Variants in APOBEC1 observed in about 807,000 individuals in gnomAD.
The protein encoded by APOBEC1 is C->U-editing enzyme APOBEC-1.
Under a neutral mutation model 26.3 loss-of-function variants are expected in APOBEC1, and 22 were observed. That is an observed-to-expected ratio of 0.84 (90% confidence interval 0.60 to 1.19). APOBEC1 has a LOEUF of 1.19. Among genes scored for constraint, APOBEC1 ranks in the 50% most tolerant of loss-of-function variants. APOBEC1 has a pLI of 0.00. For synonymous variants in APOBEC1, 77 were observed against 95.3 expected (o/e 0.81, Z 1.12); for missense variants, 253 against 289.0 (o/e 0.88, Z 0.90).
upstream of APOBEC1, among the ~76,000 whole-genome samples, chr12:7,667,291 G>C (rs770756925): frequency 6.6e-6 from 1 of 151,994 alleles, no homozygotes; most frequent in Non-Finnish European, 1.5e-5. Flanking sequence ...TGAACCCTGG[G>C]TCAAGTTCAA....
Position 7,649,445 on chromosome 12 carries a change from T to C in APOBEC1, c.*102A>G. The C allele has an allele frequency of 7.8e-7, 1 of 1,286,452 alleles. No homozygotes were observed. The highest frequency in any genetic ancestry group is 1.1e-6 in the Non-Finnish European group (1 of 921,128). The allele number at this position is 1,286,452 out of a possible 1,614,324, so 79.7% of individuals were successfully genotyped here. On this transcript the variant is annotated 3_prime_UTR_variant, in exon 5 of 5. Transcript: ENST00000229304. ...TATTGTTGGTTTAAGCTACAGAGTT[T>C]TGGGGTACCTTGTGAACATTTCTAG... is the stretch of plus-strand genomic sequence containing the variant.
intron 1 of APOBEC1, among the ~76,000 whole-genome samples, chr12:7,660,371 G>GAAAGAAAGAAA (rs1555094880): frequency 7.8e-4 from 14 of 18,038 alleles, no homozygotes; most frequent in African/African-American, 2.2e-3. Context: ...AAGGAAGGAA[G>GAAAGAAAGAAA]GAAGGAAAGA....
chr12:7,655,679 G>C (rs1863704727), intron 1 of APOBEC1, among the ~76,000 whole-genome samples: 1 of 152,220 alleles, frequency 6.6e-6, no homozygotes, highest in Middle Eastern at 3.4e-3. Context: ...AGGTGGCATT[G>C]GTGGGGCTTT....
intron 1 of APOBEC1, among the ~76,000 whole-genome samples, chr12:7,660,334 GGGAAGGAAGGAAGGAA>G (rs756648758): frequency 1.1e-4 from 4 of 35,754 alleles, no homozygotes; most frequent in South Asian, 1.2e-3. Flanking sequence ...AAGGAAGGAA[GGGAAGGAAGGAAGGAA>G]GGAAGGAAGG....
chr12:7,657,270 G>C (rs1346490344), intron 1 of APOBEC1, among the ~76,000 whole-genome samples: 1 of 152,138 alleles, frequency 6.6e-6, no homozygotes, highest in Admixed American at 6.5e-5. Context: ...TGAATGTCTA[G>C]TTGCATAACA....
chr12:7,664,571 A>C (rs11055101), intron 1 of APOBEC1, among the ~76,000 whole-genome samples: 57,566 of 151,820 alleles, frequency 0.38, 12,356 homozygotes, highest in Non-Finnish European at 0.5. Flanking sequence ...AATTCTGTTC[A>C]TCAATAGGAT....
In APOBEC1 at chr12:7,663,566, C is replaced by T. The variant is rs58448226; in HGVS notation, c.16+2291G>A. On this transcript the variant is annotated intron_variant, in intron 1 of 4. Coordinates refer to ENST00000229304, the MANE Select transcript of APOBEC1 (RefSeq NM_001644.5). ...AGTAATCTACTCCGAGGGAGCCTTA[C>T]ATAAACAGAGGCCACATCATAGGAA... Among the ~76,000 whole-genome samples, 779 of 152,178 alleles carry T rather than the reference C, an allele frequency of 5.1e-3. 3 individuals carry two copies. The highest frequency in any genetic ancestry group is 0.017 in the African/African-American group (725 of 41,512).
intron 1 of APOBEC1, 152 bp from the exon 2 acceptor site, chr12:7,654,784 G>T: frequency 7.6e-6 from 6 of 790,104 alleles, no homozygotes; most frequent in South Asian, 1.7e-5. Context: ...CCAGCTCATT[G>T]TACCCAAGAA....
chr12:7,659,335 A>G (rs1863769752), intron 1 of APOBEC1, among the ~76,000 whole-genome samples: 1 of 106,942 alleles, frequency 9.4e-6, no homozygotes, highest in Non-Finnish European at 1.9e-5. Flanking sequence ...ATATATATAT[A>G]TATATATATA....
chr12:7,661,037 C>CAAA (rs764452957), intron 1 of APOBEC1, among the ~76,000 whole-genome samples: 1,477 of 91,014 alleles, frequency 0.016, 32 homozygotes, highest in African/African-American at 0.052. Flanking sequence ...ACTAAAAATA[C>CAAA]AAAAAAAAAA....
chr12:7,667,508 C>T (rs1030587074), upstream of APOBEC1, among the ~76,000 whole-genome samples: 6 of 152,128 alleles, frequency 3.9e-5, no homozygotes, highest in Non-Finnish European at 8.8e-5. Context: ...GCAGGTGTTT[C>T]GACAGGGGCA....
chr12:7,663,488 CACGTTGGA>C (rs1863848276), intron 1 of APOBEC1, among the ~76,000 whole-genome samples: 1 of 152,052 alleles, frequency 6.6e-6, no homozygotes, highest in Non-Finnish European at 1.5e-5. Flanking sequence ...GGGTGGCTGG[CACGTTGGA>C]ATGAGCTCTT....
At chr12:7,668,877 A>C (rs1348658998), upstream of APOBEC1, among the ~76,000 whole-genome samples, 2 of 152,078 alleles carry the variant, frequency 1.3e-5, no homozygotes, top group Non-Finnish European at 2.9e-5. Flanking sequence ...GATTACAGAG[A>C]TGCACTACCA....
upstream of APOBEC1, among the ~76,000 whole-genome samples, chr12:7,668,555 A>C (rs985600960): frequency 6.6e-6 from 1 of 152,190 alleles, no homozygotes; most frequent in Non-Finnish European, 1.5e-5. Context: ...ACAGACTATC[A>C]TGTGGTTAAT....
chr12:7,670,129 G>A (rs745412528), upstream of APOBEC1, among the ~76,000 whole-genome samples: 2 of 137,250 alleles, frequency 1.5e-5, no homozygotes, highest in Admixed American at 7.4e-5. Context: ...GATTACAGGC[G>A]TGTGCCACCA....
upstream of APOBEC1, among the ~76,000 whole-genome samples, chr12:7,666,972 C>T (rs914554357): frequency 5.3e-5 from 8 of 150,970 alleles, no homozygotes; most frequent in East Asian, 5.9e-4. Flanking sequence ...AGTGCAATGG[C>T]GCGATCTCGG....
At chr12:7,668,534 T>C (rs1863920147), upstream of APOBEC1, among the ~76,000 whole-genome samples, 1 of 152,172 alleles carries the variant, frequency 6.6e-6, no homozygotes, top group African/African-American at 2.4e-5. Flanking sequence ...AACTTGGAAC[T>C]ATGACATATG....
At chr12:7,664,016 C>T (rs954987999) in intron 1 of APOBEC1, among the ~76,000 whole-genome samples, 2 of 151,984 alleles carry the variant, frequency 1.3e-5, no homozygotes, top group African/African-American at 4.8e-5. Flanking sequence ...CTACCGTGCC[C>T]AGCTAATTTT....
At chr12:7,669,890 T>C (rs149971837), upstream of APOBEC1, among the ~76,000 whole-genome samples, 32 of 152,254 alleles carry the variant, frequency 2.1e-4, no homozygotes, top group African/African-American at 7.2e-4. Flanking sequence ...TAAAATTAAA[T>C]GCAATGAACA....
Sources: gnomAD v4.1 joint callset for allele counts (sites outside exome capture counted in the v4.1 genomes callset) on GRCh38, gnomAD v4.1.1 for gene constraint, MANE v1.5 for transcripts, NCBI Gene and HGNC (gene_info 2026-07-23, HGNC 2026-07-21) for gene names.